Variants in TEAD4 observed in about 807,000 individuals in gnomAD.
TEAD4 encodes the protein transcriptional enhancer factor TEF-3.
In TEAD4, 36 loss-of-function variants were observed where a neutral mutation model predicts 52.4. That is an observed-to-expected ratio of 0.69 (90% CI 0.53 to 0.91). TEAD4 has a LOEUF of 0.91. Among genes scored for constraint, TEAD4 ranks in the 40% least tolerant of loss-of-function variants. The pLI, the probability that TEAD4 is intolerant of heterozygous loss-of-function variation, is 0.00. For synonymous variants in TEAD4, 220 were observed against 231.0 expected (o/e 0.95, Z 0.43); for missense variants, 508 against 583.9 (o/e 0.87, Z 1.34).
At chr12:3,013,701 A>T (rs1475398525) in intron 5 of TEAD4, among the ~76,000 whole-genome samples, 4 of 152,198 alleles carry the variant, frequency 2.6e-5, no homozygotes, top group Admixed American at 1.3e-4. Flanking sequence ...GCCACTGCAC[A>T]CCAGTCTGGG....
intron 2 of TEAD4, among the ~76,000 whole-genome samples, chr12:2,980,056 T>C (rs1027350683): frequency 2.0e-5 from 3 of 152,126 alleles, no homozygotes; most frequent in Non-Finnish European, 2.9e-5. Flanking sequence ...GAGGTTGGAA[T>C]TGTGTGGCAG....
intron 2 of TEAD4, among the ~76,000 whole-genome samples, chr12:2,976,403 G>A (rs923461990): frequency 6.6e-6 from 1 of 151,992 alleles, no homozygotes; most frequent in Non-Finnish European, 1.5e-5. Flanking sequence ...GAGGCCCAGA[G>A]AGGGGAAGTG....
chr12:2,981,852 AAG>A (rs2098234313), intron 2 of TEAD4, among the ~76,000 whole-genome samples: 1 of 152,078 alleles, frequency 6.6e-6, no homozygotes, highest in East Asian at 1.9e-4. Context: ...GTCTCATTTT[AAG>A]AGATGATTTC....
At chr12:2,976,779 C>A (rs565946550) in intron 2 of TEAD4, among the ~76,000 whole-genome samples, 12 of 151,904 alleles carry the variant, frequency 7.9e-5, no homozygotes, top group African/African-American at 2.9e-4. Flanking sequence ...CTCGCCACCC[C>A]ATTGCCGCCC....
intron 3 of TEAD4, 113 bp downstream of exon 3, chr12:2,995,105 C>T (rs375782732): frequency 1.0e-4 from 125 of 1,222,750 alleles, no homozygotes; most frequent in South Asian, 8.5e-4. Context: ...GGGGCTTTGT[C>T]GGGTGGACAC....
At chr12:2,974,578 A>G (rs1265764705) in intron 2 of TEAD4, among the ~76,000 whole-genome samples, 1 of 152,198 alleles carries the variant, frequency 6.6e-6, no homozygotes, top group Admixed American at 6.5e-5. Flanking sequence ...AGAGTAGGGC[A>G]GAGCTGGAGT....
chr12:2,969,591 C>T (rs1246211524), intron 2 of TEAD4, among the ~76,000 whole-genome samples: 1 of 152,216 alleles, frequency 6.6e-6, no homozygotes, highest in Non-Finnish European at 1.5e-5. Flanking sequence ...CACATATCAG[C>T]ATGCGGGGAT....
Position 3,004,017 on chromosome 12 carries a change from C to A in TEAD4, c.227-6987C>A, listed in dbSNP as rs569481477. ...CACACTCTACCTGTAGGCCCACGCT[C>A]CCTACTCCCTTCCCCTCTTGCCCCT... On this transcript the variant is annotated intron_variant, in intron 3 of 12. Coordinates refer to ENST00000359864, the MANE Select transcript of TEAD4 (RefSeq NM_003213.4). Among the ~76,000 whole-genome samples, 8 of 152,376 alleles carry A rather than the reference C, an allele frequency of 5.3e-5. 1 individual carries two copies. The highest frequency in any genetic ancestry group is 1.9e-4 in the African/African-American group (8 of 41,592).
chr12:3,009,297 G>T (rs188371343), intron 3 of TEAD4, among the ~76,000 whole-genome samples: 172 of 152,312 alleles, frequency 1.1e-3, no homozygotes, highest in African/African-American at 3.9e-3. Flanking sequence ...GGGCATGGTG[G>T]TACGCACCTG....
chr12:2,973,608 C>G (rs1360533001), intron 2 of TEAD4, among the ~76,000 whole-genome samples: 1 of 152,094 alleles, frequency 6.6e-6, no homozygotes. Context: ...AGAGGAGTCA[C>G]GGGGCCTTCC....
chr12:3,014,048 A>G (rs1490562732), intron 5 of TEAD4, among the ~76,000 whole-genome samples: 2 of 152,158 alleles, frequency 1.3e-5, no homozygotes, highest in Non-Finnish European at 2.9e-5. Flanking sequence ...ACTCAGTTCC[A>G]TTCCTCCTGC....
chr12:2,971,021 C>G (rs1464186187), intron 2 of TEAD4, among the ~76,000 whole-genome samples: 1 of 152,216 alleles, frequency 6.6e-6, no homozygotes, highest in Admixed American at 6.5e-5. Context: ...GGCATCAGCT[C>G]CCTCCGACTG....
chr12:3,015,155 C>T (rs1163689690), intron 5 of TEAD4, among the ~76,000 whole-genome samples: 1 of 152,180 alleles, frequency 6.6e-6, no homozygotes, highest in Non-Finnish European at 1.5e-5. Context: ...ATCTATTTCA[C>T]TGCTTTGTCC....
At chr12:2,998,622 G>A (rs2153955682) in intron 3 of TEAD4, among the ~76,000 whole-genome samples, 1 of 151,988 alleles carries the variant, frequency 6.6e-6, no homozygotes, top group African/African-American at 2.4e-5. Context: ...CAGCATCCTG[G>A]GCATCTGTGA....
chr12:3,020,766 C>G lies in TEAD4; in HGVS notation c.716C>G (p.Pro239Arg). Residue 239 changes from proline (P) to arginine (R), a missense_variant, in exon 9 of 13, where the codon CCG becomes CGG. Transcript: ENST00000359864. ...GCCTTCCTGGAGCAGCAGCAGGACCCGGACACGGTAGGTCCTGGCCTCTGC... is the reference window on the plus strand; with the variant it reads ...GCCTTCCTGGAGCAGCAGCAGGACCGGGACACGGTAGGTCCTGGCCTCTGC... The G allele has an allele frequency of 6.2e-7, 1 of 1,605,074 alleles. No individual in the cohort carries two copies. Among genetic ancestry groups the G allele is most frequent in the Non-Finnish European group, 8.5e-7 (1 of 1,175,540 alleles).
chr12:3,027,692 C>T (rs932698232), intron 10 of TEAD4, among the ~76,000 whole-genome samples: 19 of 152,150 alleles, frequency 1.2e-4, no homozygotes, highest in African/African-American at 4.6e-4. Flanking sequence ...CATGGCAAAA[C>T]CCCATCTCTC....
Position 3,038,112 on chromosome 12 carries a change from G to A in TEAD4, c.1038+4G>A. The stretch of plus-strand genomic sequence containing the variant: ...GCAGGTGGTGGAGAAAGTTGAGGTA[G>A]GAGGCCACCCTGGCGGGTGAGGGCC... On this transcript the variant is annotated splice_donor_region_variant and intron_variant, in intron 11 of 12. Transcript: ENST00000359864. The A allele has an allele frequency of 6.2e-7, 1 of 1,611,104 alleles. No homozygotes were observed. Among genetic ancestry groups the A allele is most frequent in the Non-Finnish European group, 8.5e-7 (1 of 1,177,872 alleles).
chr12:2,991,106 G>A (rs777383296), intron 2 of TEAD4, among the ~76,000 whole-genome samples: 12 of 152,284 alleles, frequency 7.9e-5, no homozygotes, highest in South Asian at 2.1e-4. Context: ...GGTTGAGGCA[G>A]GAGGATCTCT....
intron 3 of TEAD4, among the ~76,000 whole-genome samples, chr12:3,007,200 G>A (rs530391319): frequency 1.4e-4 from 21 of 152,322 alleles, no homozygotes; most frequent in African/African-American, 5.1e-4. Context: ...GGGGCTCCTT[G>A]CAGAGGCTGA....
Sources: allele counts gnomAD v4.1 joint callset (sites outside exome capture counted in the v4.1 genomes callset), GRCh38; gene constraint gnomAD v4.1.1; transcripts MANE v1.5; gene names NCBI Gene and HGNC (gene_info 2026-07-23, HGNC 2026-07-21).